The following ECE1 variants were observed in gnomAD, a reference collection of about 807,000 sequenced individuals.
The protein encoded by ECE1 is endothelin converting enzyme 1, also known as endothelin-converting enzyme 1.
ECE1 carries 35 observed loss-of-function variants against 98.6 expected under a neutral mutation model. The ratio of observed to expected loss-of-function variants is 0.35; its 90% CI spans 0.27 to 0.47. The LOEUF is 0.47. Among genes scored for constraint, ECE1 ranks in the 20% least tolerant of loss-of-function variants. The pLI is 1.00. For synonymous variants in ECE1, 394 were observed against 407.1 expected, an observed-to-expected ratio of 0.97 and a Z score of 0.39; for missense variants, 814 against 1,025.3, an observed-to-expected ratio of 0.79 and a Z score of 2.81.
At chr1:21,232,573 G>A (rs2098183159) in intron 14 of ECE1, among the ~76,000 whole-genome samples, 1 of 151,872 alleles carries the variant, frequency 6.6e-6, no homozygotes, top group Non-Finnish European at 1.5e-5. Context: ...TGCTGGGATT[G>A]CAGGCCTGAG....
At chr1:21,306,334 T>G (rs555589499) in intron 1 of ECE1, among the ~76,000 whole-genome samples, 4 of 122,314 alleles carry the variant, frequency 3.3e-5, no homozygotes, top group East Asian at 2.0e-4. Flanking sequence ...TGTTTTTTTG[T>G]TTTTTTTTTT....
intron 1 of ECE1, among the ~76,000 whole-genome samples, chr1:21,315,748 C>T (rs1638817440): frequency 6.7e-6 from 1 of 149,968 alleles, no homozygotes; most frequent in East Asian, 2.0e-4. Flanking sequence ...GAGCTGTGTG[C>T]CACTGCACTC....
chr1:21,323,404 G>A (rs1639004356), intron 1 of ECE1, among the ~76,000 whole-genome samples: 2 of 152,058 alleles, frequency 1.3e-5, no homozygotes, highest in Non-Finnish European at 2.9e-5. Flanking sequence ...CTTTAAAATC[G>A]TGTGCCTACT....
intron 1 of ECE1, among the ~76,000 whole-genome samples, chr1:21,317,423 G>C (rs546571839): frequency 6.6e-6 from 1 of 152,334 alleles, no homozygotes; most frequent in South Asian, 2.1e-4. Flanking sequence ...AGGCCAGCTC[G>C]CAGGCCTCAG....
In ECE1 at chr1:21,238,262, G is replaced by T. The variant is rs2098190951; in HGVS notation, c.1279-18C>A. 2 of 1,602,210 alleles carry T rather than the reference G, an allele frequency of 1.2e-6. No homozygotes were observed. The highest frequency in any genetic ancestry group is 2.7e-5 in the African/African-American group (2 of 74,850). On this transcript the variant is annotated intron_variant, in intron 10 of 18. Coordinates refer to ENST00000374893, the MANE Select transcript of ECE1 (RefSeq NM_001397.3). ...AGACAGGTCTGGAAAACACAAGTCA[G>T]GGGGCTCGCTGGGCCCCAGCCCTTT...
Position 21,345,474 on chromosome 1 carries a change from G to C in ECE1, c.-96C>G, listed in dbSNP as rs144884969. 10 of 1,139,658 alleles carry C rather than the reference G, an allele frequency of 8.8e-6. No individual in the cohort carries two copies. The highest frequency in any genetic ancestry group is 1.0e-5 in the Non-Finnish European group (9 of 902,524). The allele number at this position is 1,139,658 out of a possible 1,614,324, so 70.6% of individuals were successfully genotyped here. A position where few individuals can be genotyped will look rare whatever the true frequency, so the allele number is the denominator to read the frequency against. The stretch of plus-strand genomic sequence containing the variant: ...CTGCTCCCAGCCCAGCTGCTCGGAC[G>C]GCTCGGCTGCCTGGCCCAGGCGGCG... On this transcript the variant is annotated 5_prime_UTR_variant, in exon 1 of 19. Transcript: ENST00000415912. This position sits in a 1 kb window ranked among gnomAD's most constrained non-coding sequence, Gnocchi z 5.1.
At chr1:21,273,990 C>T (rs574543957) in intron 3 of ECE1, among the ~76,000 whole-genome samples, 1 of 152,356 alleles carries the variant, frequency 6.6e-6, no homozygotes, top group South Asian at 2.1e-4. Context: ...TGTGCAGGAT[C>T]GAGAATCACA....
intron 3 of ECE1, 72 bp downstream of exon 3, chr1:21,279,119 C>G: frequency 6.2e-7 from 1 of 1,612,684 alleles, no homozygotes; most frequent in Non-Finnish European, 8.5e-7. Flanking sequence ...GCAGGGAAGC[C>G]CCCCTCGCCC....
chr1:21,220,475 G>A lies in ECE1; in HGVS notation c.2137-344C>T, dbSNP rs559896590. The stretch of plus-strand genomic sequence containing the variant: ...GATTGTGCCACTGCATTCCAGCCTC[G>A]GTGATAGAGTGAGATCCTGTCTCAA... On this transcript the variant is annotated intron_variant, in intron 18 of 18. Coordinates refer to ENST00000374893, the MANE Select transcript of ECE1 (RefSeq NM_001397.3). This position sits in a 1 kb window ranked among gnomAD's most constrained non-coding sequence, Gnocchi z 5.0. Among the ~76,000 whole-genome samples the A allele has an allele frequency of 1.3e-5, 2 of 152,124 alleles. No individual in the cohort carries two copies. The highest frequency in any genetic ancestry group is 2.4e-5 in the African/African-American group (1 of 41,512).
chr1:21,278,832 A>T (rs2098250848), intron 3 of ECE1, among the ~76,000 whole-genome samples: 1 of 152,224 alleles, frequency 6.6e-6, no homozygotes, highest in Non-Finnish European at 1.5e-5. Flanking sequence ...AAGTCCTACG[A>T]GGCACCAGCT....
intron 1 of ECE1, among the ~76,000 whole-genome samples, chr1:21,308,723 G>A (rs1638651154): frequency 6.7e-6 from 1 of 150,224 alleles, no homozygotes; most frequent in Admixed American, 6.6e-5. Flanking sequence ...CTTTGTGCAT[G>A]GGAGGGGCTT....
intron 2 of ECE1, 108 bp downstream of exon 2, chr1:21,289,962 A>C: frequency 1.7e-6 from 2 of 1,187,616 alleles, no homozygotes; most frequent in Non-Finnish European, 2.1e-6. Flanking sequence ...GAGGGAGGGG[A>C]AGGGAGGGGA....
At chr1:21,249,804 C>G (rs543884669) in intron 8 of ECE1, among the ~76,000 whole-genome samples, 2 of 152,244 alleles carry the variant, frequency 1.3e-5, no homozygotes, top group East Asian at 3.9e-4. Context: ...GACACAGTCT[C>G]ACTCTGTTGC....
Position 21,219,142 on chromosome 1 carries a change from A to G in ECE1, c.*813T>C, listed in dbSNP as rs993640573. 1 of 152,170 alleles carries G rather than the reference A, an allele frequency of 6.6e-6. No homozygotes were observed. The highest frequency in any genetic ancestry group is 6.6e-5 in the Admixed American group (1 of 15,246). The allele number at this position is 152,170 out of a possible 1,614,324, so 9.4% of individuals were successfully genotyped here. ...GATGGTGTTTGAGGGTCCTGACCCGACCTCATTCTGCTATAGCCATCAGTC... is the reference window on the plus strand; with the variant it reads ...GATGGTGTTTGAGGGTCCTGACCCGGCCTCATTCTGCTATAGCCATCAGTC... On this transcript the variant is annotated 3_prime_UTR_variant, in exon 19 of 19. Coordinates refer to ENST00000374893, the MANE Select transcript of ECE1 (RefSeq NM_001397.3). This position sits in a 1 kb window ranked among gnomAD's most constrained non-coding sequence, Gnocchi z 4.5.
rs377088388 is a variant in ECE1 at position 21,302,206 on chromosome 1, C to T, written c.4-12050G>A. 4.6e-5 allele frequency among the ~76,000 whole-genome samples: 7 copies of T among 152,358 alleles called. No homozygotes were observed. The East Asian group carries it at 7.7e-4, about 17-fold the overall frequency. On this transcript the variant is annotated intron_variant, in intron 1 of 18. Coordinates refer to the ECE1 transcript ENST00000415912. ...AACAGGCTAAGTTCCCCACGTCCAGCCCCACGCCACCTGTTCCAGGAGGCC... is the reference window on the plus strand; with the variant it reads ...AACAGGCTAAGTTCCCCACGTCCAGTCCCACGCCACCTGTTCCAGGAGGCC...
At chr1:21,226,786 C>T (rs953044416) in intron 16 of ECE1, among the ~76,000 whole-genome samples, 5 of 152,166 alleles carry the variant, frequency 3.3e-5, no homozygotes, top group South Asian at 2.1e-4. Context: ...ACTGCAGTGG[C>T]GCAATCTCAG....
chr1:21,223,338 G>C (rs969357026), intron 17 of ECE1, among the ~76,000 whole-genome samples: 4 of 152,026 alleles, frequency 2.6e-5, no homozygotes, highest in Non-Finnish European at 5.9e-5. Flanking sequence ...ACCCAGACTG[G>C]AGTGCAGTGG....
chr1:21,273,784 G>GATGGAGGT (rs1169040922), intron 3 of ECE1, among the ~76,000 whole-genome samples: 1 of 152,226 alleles, frequency 6.6e-6, no homozygotes, highest in African/African-American at 2.4e-5. Flanking sequence ...GAACCCGGGA[G>GATGGAGGT]ATGGAGGTTA....
At chr1:21,249,993 G>A (rs933785466) in intron 8 of ECE1, among the ~76,000 whole-genome samples, 1 of 149,720 alleles carries the variant, frequency 6.7e-6, no homozygotes, top group Non-Finnish European at 1.5e-5. Context: ...TGGTCAGACT[G>A]GTCTCGAACT....
Sources: allele counts gnomAD v4.1 joint callset (sites outside exome capture counted in the v4.1 genomes callset), GRCh38; gene constraint gnomAD v4.1.1; non-coding constraint Gnocchi (gnomAD v3.1); transcripts MANE v1.5; gene names NCBI Gene and HGNC (gene_info 2026-07-23, HGNC 2026-07-21).